Variants in FBXW11 observed in about 807,000 individuals in gnomAD.
FBXW11 encodes F-box and WD repeat domain containing 11, also known as F-box/WD repeat-containing protein 11.
FBXW11 carries 19 observed loss-of-function variants against 77.6 expected under a neutral mutation model. The ratio of observed to expected loss-of-function variants is 0.24; its 90% CI spans 0.17 to 0.36. The LOEUF is 0.36. Ranked by LOEUF, FBXW11 falls within the 10% of genes least tolerant of loss-of-function variation. FBXW11 has a pLI of 1.00. For synonymous variants in FBXW11, 235 were observed against 249.4 expected (o/e 0.94, Z 0.54); for missense variants, 334 against 704.2 (o/e 0.47, Z 5.95).
chr5:171,881,641 T>C (rs540085433), intron 7 of FBXW11, among the ~76,000 whole-genome samples: 5 of 152,344 alleles, frequency 3.3e-5, no homozygotes, highest in South Asian at 4.1e-4. Context: ...CTGGAAGAGA[T>C]TGTAGAGAAC....
At position 171,996,719 on chromosome 5, in the gene FBXW11, G is replaced by A. The variant is rs997789963; in HGVS notation, c.45+9739C>T. On this transcript the variant is annotated intron_variant, in intron 1 of 13. Coordinates refer to ENST00000517395, the MANE Select transcript of FBXW11 (RefSeq NM_001378974.1). ...TTTTTACCAGGAATTCAGACACATAGACCTTCACTGATCCACACTCAAACA... is the reference window on the plus strand; with the variant it reads ...TTTTTACCAGGAATTCAGACACATAAACCTTCACTGATCCACACTCAAACA... 3.3e-5 allele frequency among the ~76,000 whole-genome samples: 5 copies of A among 152,114 alleles called. No homozygotes were observed. In the East Asian group the frequency reaches 9.6e-4, roughly 29 times the overall value.
intron 2 of FBXW11, among the ~76,000 whole-genome samples, chr5:171,925,714 T>C (rs1410900622): frequency 3.9e-5 from 6 of 152,188 alleles, no homozygotes; most frequent in African/African-American, 9.7e-5. Flanking sequence ...TTTTTAATGG[T>C]ATTTACTTTT....
rs1331320871 is a variant in FBXW11, at chr5:171,876,222, C to T, written c.1221+63G>A. ...GGTACCAGGTTGGTATAAGCCACCT[C>T]TGCTTTGTCTCTGTTCTAAAAGGGA... On this transcript the variant is annotated intron_variant, in intron 9 of 13. Transcript: ENST00000517395. This position sits in a 1 kb window ranked among gnomAD's most constrained non-coding sequence, Gnocchi z 4.2. The T allele has an allele frequency of 6.3e-7, 1 of 1,594,134 alleles. No individual in the cohort carries two copies. Among genetic ancestry groups the T allele is most frequent in the Non-Finnish European group, 8.6e-7 (1 of 1,168,242 alleles).
chr5:171,958,153 C>T (rs901519686), intron 1 of FBXW11, among the ~76,000 whole-genome samples: 1 of 152,108 alleles, frequency 6.6e-6, no homozygotes, highest in Non-Finnish European at 1.5e-5. Flanking sequence ...TTCTCTAATC[C>T]TCATATCATT....
chr5:171,884,506 C>T (rs1253475226), intron 7 of FBXW11, among the ~76,000 whole-genome samples: 1 of 152,060 alleles, frequency 6.6e-6, no homozygotes, highest in Non-Finnish European at 1.5e-5. Context: ...TTTGCTTAGT[C>T]TTGCTTTGGC....
intron 3 of FBXW11, 145 bp from the exon 4 acceptor site, chr5:171,910,942 T>C (rs916484775): frequency 1.6e-6 from 1 of 612,964 alleles, no homozygotes; most frequent in African/African-American, 1.9e-5. Context: ...TACTAATTCA[T>C]TCAGGAATTA....
At chr5:171,979,803 G>A (rs549991955) in intron 1 of FBXW11, among the ~76,000 whole-genome samples, 5 of 152,116 alleles carry the variant, frequency 3.3e-5, no homozygotes, top group Admixed American at 6.5e-5. Flanking sequence ...GGGTACACTC[G>A]CCAGCAGCTT....
intron 6 of FBXW11, 127 bp downstream of exon 6, chr5:171,898,877 A>G: frequency 1.9e-6 from 1 of 520,726 alleles, no homozygotes; most frequent in East Asian, 3.1e-5. Context: ...CATTTACTCC[A>G]AAAGCTCAAC....
chr5:171,943,607 C>T (rs374118534), intron 2 of FBXW11, among the ~76,000 whole-genome samples: 11 of 152,092 alleles, frequency 7.2e-5, no homozygotes, highest in African/African-American at 2.2e-4. Flanking sequence ...TACAGGCATG[C>T]GCCACCACAC....
intron 1 of FBXW11, among the ~76,000 whole-genome samples, chr5:171,974,978 G>C (rs1344689128): frequency 6.6e-6 from 1 of 152,024 alleles, no homozygotes; most frequent in Non-Finnish European, 1.5e-5. Flanking sequence ...ATTTTTAGTA[G>C]AGACAGGGTT....
chr5:171,864,167 C>G (rs1384654236), intron 13 of FBXW11, 66 bp from the exon 14 acceptor site: 1 of 152,208 alleles, frequency 6.6e-6, no homozygotes, highest in African/African-American at 2.4e-5. Context: ...AGAATACACA[C>G]ACTCCACTCC....
intron 2 of FBXW11, among the ~76,000 whole-genome samples, chr5:171,951,536 C>CA (rs1225497862): frequency 1.3e-5 from 2 of 149,706 alleles, no homozygotes; most frequent in African/African-American, 2.4e-5. Flanking sequence ...GACCCAATCT[C>CA]AAAAAAAGAG....
intron 2 of FBXW11, among the ~76,000 whole-genome samples, chr5:171,928,330 A>G (rs1366950453): frequency 6.6e-6 from 1 of 152,348 alleles, no homozygotes; most frequent in Non-Finnish European, 1.5e-5. Flanking sequence ...ACCCAAAACT[A>G]TCTACAGATT....
chr5:171,922,816 T>C (rs185996918), intron 2 of FBXW11, among the ~76,000 whole-genome samples: 12 of 152,304 alleles, frequency 7.9e-5, no homozygotes, highest in Admixed American at 7.8e-4. Context: ...TTATTGACAT[T>C]ATACGACAAG....
chr5:171,953,449 G>T (rs1763453302), intron 2 of FBXW11, among the ~76,000 whole-genome samples: 1 of 152,104 alleles, frequency 6.6e-6, no homozygotes, highest in Admixed American at 6.5e-5. Flanking sequence ...ACAGACAAGA[G>T]GCAATGAATT....
intron 2 of FBXW11, among the ~76,000 whole-genome samples, chr5:171,941,148 G>C (rs932068220): frequency 1.3e-5 from 2 of 152,170 alleles, no homozygotes; most frequent in Non-Finnish European, 2.9e-5. Flanking sequence ...AAGAAGGCTT[G>C]ATAGACATTT....
intron 2 of FBXW11, among the ~76,000 whole-genome samples, chr5:171,955,099 AAT>A (rs1561718727): frequency 1.3e-5 from 2 of 152,248 alleles, no homozygotes; most frequent in South Asian, 2.1e-4. Context: ...AACAGTTGGT[AAT>A]GAGTGATTTT....
chr5:172,006,625 C>T lies in FBXW11; in HGVS notation c.-123G>A, dbSNP rs1215888659. ...CGCACCCACTCTAGCTGCCAGCCCG[C>T]CCGGGCCGCCGGCAGCTCCGCCCTC... On this transcript the variant is annotated 5_prime_UTR_variant, in exon 1 of 14. Transcript: ENST00000517395. The T allele has an allele frequency of 9.2e-6, 12 of 1,299,896 alleles. No individual in the cohort carries two copies. Among genetic ancestry groups the T allele is most frequent in the Admixed American group, 4.2e-5 (1 of 23,678 alleles). 80.5% of individuals were successfully genotyped at this position (1,299,896 alleles called of 1,614,324 possible). A position where few individuals can be genotyped will look rare whatever the true frequency, so the allele number is the denominator to read the frequency against.
chr5:171,869,150 G>A lies in FBXW11; in HGVS notation c.1531-354C>T, dbSNP rs1446255307. On this transcript the variant is annotated intron_variant, in intron 12 of 13. Coordinates refer to ENST00000517395, the MANE Select transcript of FBXW11 (RefSeq NM_001378974.1). This position sits in a 1 kb window ranked among gnomAD's most constrained non-coding sequence, Gnocchi z 4.1. ...CCAGAAAGACAGTTTGTTTTAACAT[G>A]ACCAGGATCTACCTCAAATTGCTGC... is the stretch of plus-strand genomic sequence containing the variant. 6.6e-6 allele frequency among the ~76,000 whole-genome samples: 1 copy of A among 152,152 alleles called. No homozygotes were observed. The highest frequency in any genetic ancestry group is 2.4e-5 in the African/African-American group (1 of 41,436).
Sources: gnomAD v4.1 joint callset for allele counts (sites outside exome capture counted in the v4.1 genomes callset) on GRCh38, gnomAD v4.1.1 for gene constraint, Gnocchi (gnomAD v3.1) non-coding constraint, MANE v1.5 for transcripts, NCBI Gene and HGNC (gene_info 2026-07-23, HGNC 2026-07-21) for gene names.